SLC14A2: variants seen among roughly 807,000 people sequenced by gnomAD.
The protein encoded by SLC14A2 is urea transporter 2.
SLC14A2 carries 91 observed loss-of-function variants against 104.6 expected under a neutral mutation model. The ratio of observed to expected loss-of-function variants is 0.87; its 90% CI spans 0.73 to 1.04. The LOEUF (loss-of-function observed/expected upper bound fraction) is 1.04, where lower values mean the gene tolerates loss of function less well. SLC14A2 is among the 50% of genes least tolerant of loss of function. The pLI is 0.00. For missense variants in SLC14A2, 1,189 were observed against 1,156.0 expected, an observed-to-expected ratio of 1.03 and a Z score of -0.41; for synonymous variants, 476 against 466.4, an observed-to-expected ratio of 1.02 and a Z score of -0.27.
chr18:45,253,902 T>C (rs895106296), intron 1 of SLC14A2, among the ~76,000 whole-genome samples: 1 of 152,248 alleles, frequency 6.6e-6, no homozygotes, highest in Non-Finnish European at 1.5e-5. Context: ...TTCTATTCTA[T>C]ATCTAGAAAG....
At chr18:45,578,376 G>A (rs2044443122) in intron 2 of SLC14A2, among the ~76,000 whole-genome samples, 1 of 152,064 alleles carries the variant, frequency 6.6e-6, no homozygotes, top group Non-Finnish European at 1.5e-5. Flanking sequence ...CATTCTTCTT[G>A]CCCTTAATGC....
intron 1 of SLC14A2, among the ~76,000 whole-genome samples, chr18:45,413,571 T>C (rs2086237565): frequency 1.3e-5 from 2 of 152,340 alleles, no homozygotes; most frequent in Non-Finnish European, 2.9e-5. Flanking sequence ...CTCTCCCTGC[T>C]TAAGAAGGAG....
chr18:45,679,281 T>A (rs568877368), intron 19 of SLC14A2, among the ~76,000 whole-genome samples: 37 of 152,350 alleles, frequency 2.4e-4, no homozygotes, highest in African/African-American at 8.9e-4. Context: ...AGGAGCATTA[T>A]CTTGTAAATC....
intron 1 of SLC14A2, among the ~76,000 whole-genome samples, chr18:45,269,655 G>A (rs1300175493): frequency 1.3e-5 from 2 of 152,198 alleles, no homozygotes; most frequent in Admixed American, 1.3e-4. Flanking sequence ...GCTCATAATT[G>A]CGCGTACTAT....
chr18:45,567,258 A>T (rs750245829), intron 2 of SLC14A2, among the ~76,000 whole-genome samples: 9 of 152,124 alleles, frequency 5.9e-5, no homozygotes, highest in Non-Finnish European at 1.3e-4. Flanking sequence ...TAAAGTCATA[A>T]ATCTCAAGCC....
At position 45,643,134 on chromosome 18, in the gene SLC14A2, C is replaced by T; in HGVS notation, c.1129C>T (p.Leu377=). Reference sequence around the variant, plus strand: ...TGGTGATCCTTGTTCCTCCACAGCCCTGTTCTGTGCATACATGGAAGCAGC... The same window carrying T: ...TGGTGATCCTTGTTCCTCCACAGCCTTGTTCTGTGCATACATGGAAGCAGC... ...QTHLLALICA[L]FCAYMEAAIS... is the part of the protein sequence containing the mutation. The change falls in exon 9 of 20, where the codon CTG becomes TTG. Residue 377 remains leucine (L), a splice_region_variant and synonymous_variant. Coordinates refer to ENST00000255226, the MANE Select transcript of SLC14A2 (RefSeq NM_007163.4). 6.2e-7 allele frequency: 1 copy of T among 1,614,156 alleles called. No homozygotes were observed. Among genetic ancestry groups the T allele is most frequent in the Non-Finnish European group, 8.5e-7 (1 of 1,179,982 alleles).
chr18:45,395,909 G>A (rs2086024698), intron 1 of SLC14A2, among the ~76,000 whole-genome samples: 1 of 152,088 alleles, frequency 6.6e-6, no homozygotes, highest in African/African-American at 2.4e-5. Context: ...CCTTCTTTGG[G>A]AAGGACTCTT....
intron 2 of SLC14A2, among the ~76,000 whole-genome samples, chr18:45,558,174 G>T (rs117675588): frequency 6.6e-6 from 1 of 151,900 alleles, no homozygotes; most frequent in South Asian, 2.1e-4. Flanking sequence ...TCTTGATTTG[G>T]TACCTTTCTC....
chr18:45,382,465 T>C (rs549334079), intron 1 of SLC14A2, among the ~76,000 whole-genome samples: 34 of 152,286 alleles, frequency 2.2e-4, no homozygotes, highest in African/African-American at 6.7e-4. Flanking sequence ...TTAGCATTAG[T>C]CTCCATGACT....
intron 1 of SLC14A2, among the ~76,000 whole-genome samples, chr18:45,277,042 T>C (rs1326449530): frequency 3.3e-5 from 5 of 152,224 alleles, no homozygotes; most frequent in African/African-American, 4.8e-5. Flanking sequence ...AATGTACCAT[T>C]TTCCTTAGCC....
chr18:45,467,785 C>T (rs1401525678), intron 1 of SLC14A2, among the ~76,000 whole-genome samples: 2 of 152,190 alleles, frequency 1.3e-5, no homozygotes, highest in African/African-American at 4.8e-5. Flanking sequence ...CCACTCCACC[C>T]TCTCCCACAG....
chr18:45,553,291 T>C (rs2044081239), intron 2 of SLC14A2, among the ~76,000 whole-genome samples: 1 of 152,214 alleles, frequency 6.6e-6, no homozygotes, highest in Non-Finnish European at 1.5e-5. Flanking sequence ...ATAGTTGATT[T>C]TCAGGCCCCC....
chr18:45,507,796 C>T (rs924729548), intron 2 of SLC14A2, among the ~76,000 whole-genome samples: 6 of 152,170 alleles, frequency 3.9e-5, no homozygotes, highest in African/African-American at 1.4e-4. Flanking sequence ...GTCCCTGTAA[C>T]TCTCCCTCAT....
upstream of SLC14A2, among the ~76,000 whole-genome samples, chr18:45,613,480 A>G (rs902170998): frequency 6.6e-6 from 1 of 152,182 alleles, no homozygotes; most frequent in Non-Finnish European, 1.5e-5. Flanking sequence ...GAAGATAGAT[A>G]GAAAGATGTG....
intron 2 of SLC14A2, among the ~76,000 whole-genome samples, chr18:45,510,454 T>A (rs1237760336): frequency 1.3e-5 from 2 of 152,108 alleles, no homozygotes; most frequent in African/African-American, 2.4e-5. Context: ...GCTCCTACTG[T>A]GGAGGCAGGG....
intron 2 of SLC14A2, among the ~76,000 whole-genome samples, chr18:45,606,229 C>G (rs1276475987): frequency 6.6e-6 from 1 of 152,110 alleles, no homozygotes; most frequent in Non-Finnish European, 1.5e-5. Flanking sequence ...TTATTCCATC[C>G]CTCCCCTCCT....
chr18:45,234,533 A>C (rs1384158701), intron 1 of SLC14A2, among the ~76,000 whole-genome samples: 1 of 152,212 alleles, frequency 6.6e-6, no homozygotes, highest in Non-Finnish European at 1.5e-5. Context: ...ATCACTCAAA[A>C]TTTTGGAGGT....
chr18:45,656,346 C>T (rs1427783580), intron 10 of SLC14A2, among the ~76,000 whole-genome samples: 1 of 152,156 alleles, frequency 6.6e-6, no homozygotes. Context: ...GCCAGAACAC[C>T]TTGGCAGGGT....
At chr18:45,535,061 A>T (rs903643311) in intron 2 of SLC14A2, among the ~76,000 whole-genome samples, 7 of 152,194 alleles carry the variant, frequency 4.6e-5, no homozygotes, top group Admixed American at 6.5e-5. Flanking sequence ...ATCTGCTGTG[A>T]TACCTGATCC....
Sources: allele counts gnomAD v4.1 joint callset (sites outside exome capture counted in the v4.1 genomes callset), GRCh38; gene constraint gnomAD v4.1.1; transcripts MANE v1.5; gene names NCBI Gene and HGNC (gene_info 2026-07-23, HGNC 2026-07-21).